The following AKT3 variants were observed in gnomAD, a reference collection of about 807,000 sequenced individuals.
The protein encoded by AKT3 is RAC-gamma serine/threonine-protein kinase.
Under a neutral mutation model 65.3 loss-of-function variants are expected in AKT3, and 15 were observed. The observed-to-expected ratio is 0.23, with a 90% CI of 0.15 to 0.35. The LOEUF is 0.35. Among genes scored for constraint, AKT3 ranks in the 10% least tolerant of loss-of-function variants. The pLI is 1.00. For missense variants in AKT3, 243 were observed against 576.5 expected, an observed-to-expected ratio of 0.42 and a Z score of 5.92; for synonymous variants, 206 against 183.8, an observed-to-expected ratio of 1.12 and a Z score of -0.98.
In AKT3 at chr1:243,613,790, A is replaced by G. The variant is rs1047488580; in HGVS notation, c.628-51T>C. ...TTACATTATAATCCTGTATTCTTAT[A>G]ATTATAATAGTACTAAAAATAGAAC... On this transcript the variant is annotated intron_variant, in intron 7 of 13. Transcript: ENST00000673466. 3 of 1,173,774 alleles carry G rather than the reference A, an allele frequency of 2.6e-6. No individual in the cohort carries two copies. In the South Asian group the frequency reaches 4.8e-5, roughly 19 times the overall value. The allele number at this position is 1,173,774 out of a possible 1,614,324, so 72.7% of individuals were successfully genotyped here. A position where few individuals can be genotyped will look rare whatever the true frequency, so the allele number is the denominator to read the frequency against.
chr1:243,843,083 A>T (rs748450857), intron 2 of AKT3, 42 bp downstream of exon 2: 42 of 1,606,564 alleles, frequency 2.6e-5, no homozygotes, highest in Middle Eastern at 3.3e-4. Flanking sequence ...CACTGCTAGC[A>T]CTCTTACCAA....
At chr1:243,789,457 G>A (rs1691479565) in intron 2 of AKT3, among the ~76,000 whole-genome samples, 2 of 152,284 alleles carry the variant, frequency 1.3e-5, no homozygotes, top group South Asian at 4.1e-4. Context: ...TCATAATACT[G>A]CAACAATTCA....
intron 2 of AKT3, among the ~76,000 whole-genome samples, chr1:243,832,769 G>C (rs1694620898): frequency 6.6e-6 from 1 of 152,186 alleles, no homozygotes; most frequent in South Asian, 2.1e-4. Flanking sequence ...GGAGATCTCA[G>C]TACAGCACGT....
At chr1:243,645,289 T>C (rs1390450028) in intron 5 of AKT3, among the ~76,000 whole-genome samples, 1 of 152,208 alleles carries the variant, frequency 6.6e-6, no homozygotes, top group African/African-American at 2.4e-5. Context: ...ATTTTTGTAA[T>C]AAGGAAATTG....
chr1:243,541,764 T>C (rs1004542443), intron 12 of AKT3, among the ~76,000 whole-genome samples: 1 of 152,160 alleles, frequency 6.6e-6, no homozygotes, highest in Non-Finnish European at 1.5e-5. Context: ...AGTAAAACTT[T>C]ATTTACAGAA....
intron 2 of AKT3, among the ~76,000 whole-genome samples, chr1:243,754,670 C>T (rs1028462646): frequency 6.6e-6 from 1 of 152,098 alleles, no homozygotes; most frequent in Non-Finnish European, 1.5e-5. Flanking sequence ...ACTGTGCATG[C>T]GAGGGATCTA....
chr1:243,574,535 C>G (rs1406363965), intron 8 of AKT3, among the ~76,000 whole-genome samples: 1 of 152,084 alleles, frequency 6.6e-6, no homozygotes, highest in Non-Finnish European at 1.5e-5. Flanking sequence ...AACACATGAT[C>G]TATTCTAAAA....
chr1:243,800,986 T>G (rs572073595), intron 2 of AKT3, among the ~76,000 whole-genome samples: 9 of 152,224 alleles, frequency 5.9e-5, no homozygotes, highest in Admixed American at 1.3e-4. Flanking sequence ...TCAAAACACT[T>G]CAGAAACATC....
chr1:243,702,205 T>A (rs999907999), intron 2 of AKT3, among the ~76,000 whole-genome samples: 1 of 151,996 alleles, frequency 6.6e-6, no homozygotes, highest in Non-Finnish European at 1.5e-5. Flanking sequence ...ACCAATGCTA[T>A]GTTGTGTAAC....
downstream of AKT3, among the ~76,000 whole-genome samples, chr1:243,496,523 G>A (rs529529026): frequency 1.3e-5 from 2 of 152,330 alleles, no homozygotes; most frequent in African/African-American, 2.4e-5. Context: ...CAGAGACAGC[G>A]TGCCAGTGAG....
intron 2 of AKT3, among the ~76,000 whole-genome samples, chr1:243,831,390 T>C (rs1694496951): frequency 6.6e-6 from 1 of 152,180 alleles, no homozygotes; most frequent in Non-Finnish European, 1.5e-5. Flanking sequence ...ATTCTAATTT[T>C]GTAAGACCAT....
intron 4 of AKT3, among the ~76,000 whole-genome samples, chr1:243,655,597 T>C (rs554396429): frequency 6.6e-6 from 1 of 152,310 alleles, no homozygotes; most frequent in Non-Finnish European, 1.5e-5. Context: ...TACATTTGCT[T>C]TTAGCAAGCT....
chr1:243,682,603 G>A (rs574649604), intron 3 of AKT3, among the ~76,000 whole-genome samples: 1 of 152,024 alleles, frequency 6.6e-6, no homozygotes, highest in Non-Finnish European at 1.5e-5. Context: ...TATTTCAAAC[G>A]CCATATTTAT....
intron 2 of AKT3, among the ~76,000 whole-genome samples, chr1:243,699,741 T>C (rs1303435244): frequency 6.6e-6 from 1 of 152,056 alleles, no homozygotes; most frequent in Non-Finnish European, 1.5e-5. Flanking sequence ...TATTACTTTA[T>C]ATGGCAACAC....
At chr1:243,722,071 C>A (rs1686946341) in intron 2 of AKT3, among the ~76,000 whole-genome samples, 4 of 152,044 alleles carry the variant, frequency 2.6e-5, no homozygotes, top group Admixed American at 2.6e-4. Context: ...GCTATGAATA[C>A]ATTTCAGTTT....
intron 2 of AKT3, among the ~76,000 whole-genome samples, chr1:243,803,300 C>G (rs1692490890): frequency 6.6e-6 from 1 of 152,148 alleles, no homozygotes; most frequent in African/African-American, 2.4e-5. Context: ...TGTACCTTCT[C>G]TTCCATCATA....
At chr1:243,582,959 A>G in intron 8 of AKT3, among the ~76,000 whole-genome samples, 1 of 151,534 alleles carries the variant, frequency 6.6e-6, no homozygotes, top group East Asian at 1.9e-4. Flanking sequence ...AGGAATCACT[A>G]TTCTTTCATC....
At chr1:243,564,899 T>C (rs563402167) in intron 9 of AKT3, among the ~76,000 whole-genome samples, 4 of 152,298 alleles carry the variant, frequency 2.6e-5, no homozygotes, top group Admixed American at 2.0e-4. Flanking sequence ...TGAAAGAATG[T>C]ACCTGGACTC....
intron 12 of AKT3, among the ~76,000 whole-genome samples, chr1:243,539,081 G>A (rs2148433110): frequency 6.6e-6 from 1 of 152,164 alleles, no homozygotes; most frequent in South Asian, 2.1e-4. Context: ...AATGAACACT[G>A]GTAGAACAAT....
Sources: gnomAD v4.1 joint callset for allele counts (sites outside exome capture counted in the v4.1 genomes callset) on GRCh38, gnomAD v4.1.1 for gene constraint, MANE v1.5 for transcripts, NCBI Gene and HGNC (gene_info 2026-07-23, HGNC 2026-07-21) for gene names.